ATP2B4: variants seen among roughly 807,000 people sequenced by gnomAD.
ATP2B4 encodes the protein ATPase plasma membrane Ca2+ transporting 4, also known as plasma membrane calcium-transporting ATPase 4.
A neutral mutation model predicts 110.3 loss-of-function variants in ATP2B4; 39 were observed. The observed-to-expected ratio is 0.35, with a 90% CI of 0.27 to 0.46. The LOEUF (loss-of-function observed/expected upper bound fraction) is 0.46. Among genes scored for constraint, ATP2B4 ranks in the 20% least tolerant of loss-of-function variants. The probability of loss-of-function intolerance (pLI) is 1.00; values close to 1 mark genes in which losing one functional copy is unlikely to be tolerated. For synonymous variants in ATP2B4, 538 were observed against 571.7 expected, an observed-to-expected ratio of 0.94 and a Z score of 0.84; for missense variants, 1,135 against 1,530.9, an observed-to-expected ratio of 0.74 and a Z score of 4.32.
chr1:203,707,751 G>C (rs1665891496), intron 9 of ATP2B4, 111 bp from the exon 10 acceptor site: 2 of 1,432,310 alleles, frequency 1.4e-6, no homozygotes, highest in African/African-American at 2.8e-5. Flanking sequence ...ATTTTTGTGT[G>C]GGACTGGAAG....
chr1:203,678,650 C>T lies in ATP2B4; in HGVS notation c.-464-4092C>T, dbSNP rs950534577. On this transcript the variant is annotated intron_variant, in intron 1 of 20. Coordinates refer to ENST00000357681, the MANE Select transcript of ATP2B4 (RefSeq NM_001684.5). ...AACTCCTGAGTTCAAGCGATTCTCC[C>T]GCCTCAGCCTTCCAAAGTGCTGGGA... 1.5e-4 allele frequency among the ~76,000 whole-genome samples: 23 copies of T among 152,126 alleles called. No homozygotes were observed. The East Asian group carries it at 1.9e-3, about 13-fold the overall frequency.
intron 4 of ATP2B4, 34 bp downstream of exon 4, chr1:203,699,751 C>T (rs1484980709): frequency 6.2e-7 from 1 of 1,608,774 alleles, no homozygotes; most frequent in South Asian, 1.1e-5. Flanking sequence ...CTTACCCCAC[C>T]ACCACCCCCA....
intron 20 of ATP2B4, among the ~76,000 whole-genome samples, chr1:203,730,465 T>C (rs1433471231): frequency 5.9e-5 from 9 of 152,134 alleles, no homozygotes; most frequent in Admixed American, 5.9e-4. Context: ...TTGGCTCCCA[T>C]CTCTAAAGCC....
chr1:203,630,139 G>T (rs1663219050), intron 1 of ATP2B4, among the ~76,000 whole-genome samples: 1 of 152,170 alleles, frequency 6.6e-6, no homozygotes, highest in African/African-American at 2.4e-5. Flanking sequence ...AGGTGTGGGG[G>T]CTGGAAGAGG....
chr1:203,663,658 G>A (rs976221492), intron 1 of ATP2B4, among the ~76,000 whole-genome samples: 4 of 151,414 alleles, frequency 2.6e-5, no homozygotes, highest in Admixed American at 2.0e-4. Context: ...ATGCTAGAGT[G>A]CAGTGGTGTG....
At chr1:203,690,077 A>G (rs968924987) in intron 2 of ATP2B4, among the ~76,000 whole-genome samples, 3 of 151,968 alleles carry the variant, frequency 2.0e-5, no homozygotes, top group Non-Finnish European at 4.4e-5. Flanking sequence ...GGCAGGCGGG[A>G]AAAAAAATGT....
At chr1:203,664,156 T>C (rs1162868673) in intron 1 of ATP2B4, among the ~76,000 whole-genome samples, 1 of 152,232 alleles carries the variant, frequency 6.6e-6, no homozygotes, top group East Asian at 1.9e-4. Flanking sequence ...GTTCCTTTAC[T>C]CTCATGAACT....
Position 203,723,897 on chromosome 1 carries a change from T to C in ATP2B4, c.3041T>C (p.Phe1014Ser). ...TFICQIFIVEFGGKPFSCTSL... is the reference protein window; with the variant it reads ...TFICQIFIVESGGKPFSCTSL... ...CTGTTCTAGATTTTCATCGTGGAAT[T>C]TGGGGGTAAACCCTTCAGTTGTACA... is the stretch of plus-strand genomic sequence containing the variant. Residue 1014 changes from phenylalanine to serine, a missense_variant, in exon 19 of 21, where the codon TTT becomes TCT. Transcript: ENST00000357681. The C allele has an allele frequency of 6.2e-7, 1 of 1,607,368 alleles. No homozygotes were observed. The highest frequency in any genetic ancestry group is 8.5e-7 in the Non-Finnish European group (1 of 1,177,296).
chr1:203,732,250 A>G (rs968815006), intron 20 of ATP2B4, among the ~76,000 whole-genome samples: 1 of 151,958 alleles, frequency 6.6e-6, no homozygotes, highest in African/African-American at 2.4e-5. Flanking sequence ...ACCAGAGGCT[A>G]CTTGTGTAAG....
At position 203,710,600 on chromosome 1, in the gene ATP2B4, A is replaced by C. The variant is rs79691301; in HGVS notation, c.1800-277A>C. Among the ~76,000 whole-genome samples the C allele has an allele frequency of 1.8e-3, 267 of 152,360 alleles. 6 individuals are homozygous for C. In the East Asian group the frequency reaches 0.03, roughly 17 times the overall value. On this transcript the variant is annotated intron_variant, in intron 11 of 20. Coordinates refer to ENST00000357681, the MANE Select transcript of ATP2B4 (RefSeq NM_001684.5). ...CTGCCTTCAAGAAGTTCAAAAGAGC[A>C]GGTGATTCACAAATGACTTGCATTG...
intron 1 of ATP2B4, among the ~76,000 whole-genome samples, chr1:203,651,785 C>T (rs1420730366): frequency 6.6e-6 from 1 of 151,688 alleles, no homozygotes; most frequent in Admixed American, 6.6e-5. Flanking sequence ...CGGCTAGGCA[C>T]GGTGGCTCAT....
intron 4 of ATP2B4, 63 bp from the exon 5 acceptor site, chr1:203,700,143 C>T (rs1036168563): frequency 6.4e-7 from 1 of 1,563,532 alleles, no homozygotes; most frequent in Non-Finnish European, 8.7e-7. Context: ...AGTTGGAGGA[C>T]CCTACCCTCA....
intron 1 of ATP2B4, among the ~76,000 whole-genome samples, chr1:203,680,933 T>C (rs1178473116): frequency 6.6e-6 from 1 of 152,202 alleles, no homozygotes; most frequent in Non-Finnish European, 1.5e-5. Context: ...CTTGAAAGGT[T>C]AAGGAGTTCT....
intron 16 of ATP2B4, 132 bp from the exon 17 acceptor site, chr1:203,721,065 T>G: frequency 1.1e-6 from 1 of 946,748 alleles, no homozygotes; most frequent in Non-Finnish European, 1.6e-6. Context: ...TTAAGTAGCT[T>G]TCTCACAGTC....
rs749228260 is a variant in ATP2B4, at chr1:203,710,873, C to T, written c.1800-4C>T. 1.2e-6 allele frequency: 2 copies of T among 1,607,520 alleles called. No individual in the cohort carries two copies. The highest frequency in any genetic ancestry group is 1.6e-4 in the Middle Eastern group (1 of 6,076). ...CACCGCGTTCTTACTGTGCGCCTCCCCAGGTGTAATCGAATCCTGGACCGG... is the reference window on the plus strand; with the variant it reads ...CACCGCGTTCTTACTGTGCGCCTCCTCAGGTGTAATCGAATCCTGGACCGG... On this transcript the variant is annotated splice_region_variant and splice_polypyrimidine_tract_variant and intron_variant, in intron 11 of 20. Transcript: ENST00000357681.
chr1:203,713,395 A>G, intron 14 of ATP2B4, 143 bp downstream of exon 14: 1 of 761,682 alleles, frequency 1.3e-6, no homozygotes, highest in Non-Finnish European at 2.2e-6. Flanking sequence ...GAGAACATAC[A>G]GTTAGCAAAC....
chr1:203,639,862 A>G (rs1571668741), intron 1 of ATP2B4, among the ~76,000 whole-genome samples: 2 of 152,166 alleles, frequency 1.3e-5, no homozygotes, highest in South Asian at 2.1e-4. Context: ...AAATAGAACA[A>G]TACCTCTCCA....
Position 203,709,549 on chromosome 1 carries a change from AC to A in ATP2B4, c.1799+12del, listed in dbSNP as rs1289272973. 2 of 1,613,800 alleles carry A rather than the reference AC, an allele frequency of 1.2e-6. No homozygotes were observed. Among genetic ancestry groups the A allele is most frequent in the Admixed American group, 1.7e-5 (1 of 59,996 alleles). On this transcript the variant is annotated splice_region_variant and intron_variant, in intron 11 of 20. Transcript: ENST00000357681. Reference sequence around the variant, plus strand: ...CTGAGATCATCTTGCGCAAGTGAGCACCCCCGACCACTCTGCTTCCCTTCAA... The same window carrying A: ...CTGAGATCATCTTGCGCAAGTGAGCACCCCGACCACTCTGCTTCCCTTCAA...
intron 13 of ATP2B4, 50 bp downstream of exon 13, chr1:203,712,189 G>C: frequency 6.3e-7 from 1 of 1,589,912 alleles, no homozygotes; most frequent in Non-Finnish European, 8.6e-7. Flanking sequence ...AGGAAAAGGC[G>C]GGTTCTAGCA....
Sources: gnomAD v4.1 joint callset for allele counts (sites outside exome capture counted in the v4.1 genomes callset) on GRCh38, gnomAD v4.1.1 for gene constraint, MANE v1.5 for transcripts, NCBI Gene and HGNC (gene_info 2026-07-23, HGNC 2026-07-21) for gene names.